PCNT: variants seen among roughly 807,000 people sequenced by gnomAD.
PCNT encodes pericentrin, also known as kendrin.
A neutral mutation model predicts 380.4 loss-of-function variants in PCNT; 319 were observed. That is an observed-to-expected ratio of 0.84 (90% CI 0.77 to 0.92). The LOEUF is 0.92. Among genes scored for constraint, PCNT ranks in the 40% least tolerant of loss-of-function variants. The probability of loss-of-function intolerance (pLI) is 0.00; values close to 1 mark genes in which losing one functional copy is unlikely to be tolerated. For missense variants in PCNT, 4,400 were observed against 4,255.3 expected (o/e 1.03, Z -0.95); for synonymous variants, 1,845 against 1,735.2 (o/e 1.06, Z -1.57).
chr21:46,399,636 A>G lies in PCNT; in HGVS notation c.4631A>G (p.Asn1544Ser), dbSNP rs1320317321. 2 of 1,613,958 alleles carry G rather than the reference A, an allele frequency of 1.2e-6. No individual in the cohort carries two copies. The highest frequency in any genetic ancestry group is 2.7e-5 in the African/African-American group (2 of 74,952). The change falls in exon 25 of 47, where the codon AAT becomes AGT. Residue 1544 changes from asparagine (N) to serine (S), a missense_variant. Physicochemically the swap from Asn to Ser is conservative, Grantham distance 46. Coordinates refer to ENST00000359568, the MANE Select transcript of PCNT (RefSeq NM_006031.6). ...QKLREKLDEF[N>S]ELAIQKESAD... ...TTGAGAGAAAAGTTGGATGAATTTA[A>G]TGAATTGGCTATACAGAAAGAGTCG...
At chr21:46,370,993 C>T (rs973862976) in intron 15 of PCNT, among the ~76,000 whole-genome samples, 2 of 151,958 alleles carry the variant, frequency 1.3e-5, no homozygotes, top group African/African-American at 2.4e-5. Context: ...TGAGATCGCG[C>T]CATTGCCCTC....
chr21:46,358,623 GT>G (rs1344045042), intron 13 of PCNT, among the ~76,000 whole-genome samples: 2 of 128,094 alleles, frequency 1.6e-5, no homozygotes, highest in Non-Finnish European at 3.4e-5. Context: ...TTGTTTTGTT[GT>G]TTTGTTTTTT....
intron 21 of PCNT, among the ~76,000 whole-genome samples, chr21:46,396,144 T>A (rs2086202749): frequency 6.6e-6 from 1 of 152,252 alleles, no homozygotes; most frequent in Non-Finnish European, 1.5e-5. Context: ...AGAGCCCCTT[T>A]TTCCAAGACG....
In PCNT at chr21:46,363,591, A is replaced by G. The variant is rs1197742544; in HGVS notation, c.2266A>G (p.Lys756Glu). ...QRKETDWKVM[K>E]EELQREAEEK... is the part of the protein sequence containing the mutation. The stretch of plus-strand genomic sequence containing the variant: ...AAAAGAAACGGACTGGAAAGTTATG[A>G]AGGAGGAGCTACAGCGGGAAGCTGA... The change falls in exon 14 of 47, where the codon AAG becomes GAG. Residue 756 changes from lysine (K) to glutamate (E), a missense_variant. Physicochemically the swap from Lys to Glu is moderately conservative, Grantham distance 56. Coordinates refer to ENST00000359568, the MANE Select transcript of PCNT (RefSeq NM_006031.6). The G allele has an allele frequency of 2.5e-6, 4 of 1,614,100 alleles. No homozygotes were observed. The highest frequency in any genetic ancestry group is 3.4e-6 in the Non-Finnish European group (4 of 1,180,036).
chr21:46,338,391 T>A (rs2083818147), intron 3 of PCNT, among the ~76,000 whole-genome samples: 1 of 152,194 alleles, frequency 6.6e-6, no homozygotes, highest in South Asian at 2.1e-4. Flanking sequence ...ACAGATGGAA[T>A]TCTATAATAT....
At chr21:46,404,555 C>A (rs1265646900) in intron 27 of PCNT, among the ~76,000 whole-genome samples, 1 of 138,818 alleles carries the variant, frequency 7.2e-6, no homozygotes, top group Non-Finnish European at 1.7e-5. Context: ...GTCTCCTGTA[C>A]GAAGTCCTCA....
rs571501854 is a variant in PCNT, at chr21:46,361,401, G to GA, written c.2155-2071dup. Among the ~76,000 whole-genome samples, 15 of 151,874 alleles carry GA rather than the reference G, an allele frequency of 9.9e-5. 1 individual carries two copies. In the South Asian group the frequency reaches 2.9e-3, roughly 30 times the overall value. On this transcript the variant is annotated intron_variant, in intron 13 of 46. Transcript: ENST00000359568. Reference sequence around the variant, plus strand: ...GCGAGACTCCGTCTCAAAGAAAAGAGAAAAAAAAGAATACACATTCTTAAC... The same window carrying GA: ...GCGAGACTCCGTCTCAAAGAAAAGAGAAAAAAAAAGAATACACATTCTTAAC...
Position 46,397,414 on chromosome 21 carries a change from C to G in PCNT, c.4366C>G (p.Gln1456Glu). 1 of 1,614,206 alleles carries G rather than the reference C, an allele frequency of 6.2e-7. No homozygotes were observed. The highest frequency in any genetic ancestry group is 1.1e-5 in the South Asian group (1 of 91,082). ...GTCTCAGCATCGCGGGTGTGCCAAG[C>G]AGGCGGAGGCCGTCACTGCCCTGGA... ...QLSQHRGCAK[Q>E]AEAVTALEQQ... The change falls in exon 22 of 47, where the codon CAG (glutamine) becomes GAG (glutamate). Residue 1456 changes from glutamine (Q) to glutamate (E), a missense_variant. Physicochemically the swap from Gln to Glu is conservative, Grantham distance 29. Coordinates refer to ENST00000359568, the MANE Select transcript of PCNT (RefSeq NM_006031.6).
intron 21 of PCNT, chr21:46,394,421 G>T: frequency 1.7e-6 from 1 of 589,890 alleles, no homozygotes; most frequent in Non-Finnish European, 2.1e-6. Context: ...TGCTGCTGAC[G>T]CTGCCGTCAC....
chr21:46,423,514 G>A (rs567556083), intron 32 of PCNT, among the ~76,000 whole-genome samples: 20 of 151,628 alleles, frequency 1.3e-4, no homozygotes, highest in African/African-American at 4.4e-4. Flanking sequence ...AATATAAAAC[G>A]TCAAGGAGAT....
rs528030693 is a variant in PCNT, at chr21:46,330,134, T to C, written c.267+3545T>C. On this transcript the variant is annotated intron_variant, in intron 2 of 46. Coordinates refer to ENST00000359568, the MANE Select transcript of PCNT (RefSeq NM_006031.6). ...GACATCAGCTTTTTCCCCCTTTTTT[T>C]TGAGATAGGGTCTTGTTTTCTTGAC... 3.9e-5 allele frequency among the ~76,000 whole-genome samples: 6 copies of C among 152,330 alleles called. No homozygotes were observed. In the South Asian group the frequency reaches 6.2e-4, roughly 16 times the overall value.
At chr21:46,400,942 C>T (rs1027090523) in intron 25 of PCNT, among the ~76,000 whole-genome samples, 1 of 152,188 alleles carries the variant, frequency 6.6e-6, no homozygotes, top group East Asian at 1.9e-4. Flanking sequence ...GCACTTGGAG[C>T]GGAGTTGTCC....
rs773745890 is a variant in PCNT at position 46,353,306 on chromosome 21, T to C, written c.1659T>C (p.Leu553=). 14 of 1,614,018 alleles carry C rather than the reference T, an allele frequency of 8.7e-6. No homozygotes were observed. Among genetic ancestry groups the C allele is most frequent in the African/African-American group, 1.3e-5 (1 of 74,948 alleles). The change falls in exon 10 of 47, where the codon CTT becomes CTC. Residue 553 remains leucine (L), a synonymous_variant. Coordinates refer to ENST00000359568, the MANE Select transcript of PCNT (RefSeq NM_006031.6). ...TGCAGGGGGCGAGGGAAGATGCTCT[T>C]CTGGACTCTGTGGAAGTTGGGTAAG... The part of the protein sequence containing the change: ...QRLQGAREDA[L]LDSVEVGLSC...
intron 32 of PCNT, among the ~76,000 whole-genome samples, chr21:46,423,711 G>C (rs2087353530): frequency 1.2e-5 from 1 of 84,440 alleles, no homozygotes; most frequent in Non-Finnish European, 2.4e-5. Context: ...GAGGGGGAGA[G>C]GAGGAGGAAG....
intron 16 of PCNT, 144 bp from the exon 17 acceptor site, chr21:46,385,688 T>C: frequency 1.1e-6 from 1 of 869,710 alleles, no homozygotes; most frequent in Admixed American, 1.7e-5. Flanking sequence ...CGTGCCGAAG[T>C]GCCTGCTCCT....
chr21:46,383,082 T>G (rs1386595425), intron 16 of PCNT, among the ~76,000 whole-genome samples: 2 of 147,532 alleles, frequency 1.4e-5, no homozygotes. Flanking sequence ...TGTTGTATAT[T>G]CAGTGGCGGA....
rs1237138987 is a variant in PCNT, at chr21:46,388,583, G to A, written c.3465-159G>A. ...GTCTTGTCTGTGGCCTCAGCTTCCT[G>A]TGCTCACATGGGCATGAGGATCATG... On this transcript the variant is annotated intron_variant, in intron 17 of 46. Transcript: ENST00000359568. The surrounding 1 kb of genome is among the most constrained non-coding windows in gnomAD (Gnocchi z 4.2). Among the ~76,000 whole-genome samples the A allele has an allele frequency of 6.6e-6, 1 of 152,234 alleles. No individual in the cohort carries two copies. The highest frequency in any genetic ancestry group is 1.9e-4 in the East Asian group (1 of 5,194).
In PCNT at chr21:46,416,381, A is replaced by T; in HGVS notation, c.6463A>T (p.Thr2155Ser). 6.2e-7 allele frequency: 1 copy of T among 1,614,004 alleles called. No homozygotes were observed. Among genetic ancestry groups the T allele is most frequent in the Non-Finnish European group, 8.5e-7 (1 of 1,179,942 alleles). ...QAIDACDANT[T>S]PGGVTDVIKN... ...CATAGACGCGTGTGATGCCAATACAACCCCAGGGGGTGTAACTGATGTTAT... is the reference window on the plus strand; with the variant it reads ...CATAGACGCGTGTGATGCCAATACATCCCCAGGGGGTGTAACTGATGTTAT... The change falls in exon 30 of 47, where the codon ACC (threonine) becomes TCC (serine). Residue 2155 changes from threonine (T) to serine (S), a missense_variant. Thr to Ser is a moderately conservative substitution (Grantham distance 58). Transcript: ENST00000359568.
In PCNT at chr21:46,417,061, C is replaced by G. The variant is rs7278250; in HGVS notation, c.6921+222C>G. ...ATGCATTTGCCTGCCTCAGACATACCCTGGGCATGCTTCTCCACTGACGCT... is the reference window on the plus strand; with the variant it reads ...ATGCATTTGCCTGCCTCAGACATACGCTGGGCATGCTTCTCCACTGACGCT... On this transcript the variant is annotated intron_variant, in intron 30 of 46. Transcript: ENST00000359568. Among the ~76,000 whole-genome samples the G allele has an allele frequency of 2.1e-3, 317 of 152,222 alleles. 2 individuals are homozygous for G. The highest frequency in any genetic ancestry group is 6.9e-3 in the African/African-American group (285 of 41,544).
Sources: gnomAD v4.1 joint callset for allele counts (sites outside exome capture counted in the v4.1 genomes callset) on GRCh38, gnomAD v4.1.1 for gene constraint, Gnocchi (gnomAD v3.1) non-coding constraint, MANE v1.5 for transcripts, NCBI Gene and HGNC (gene_info 2026-07-23, HGNC 2026-07-21) for gene names.